Variants in RBL2 observed in about 807,000 individuals in gnomAD.
The protein encoded by RBL2 is RB transcriptional corepressor like 2.
Under a neutral mutation model 126.0 loss-of-function variants are expected in RBL2, and 56 were observed. That is an observed-to-expected ratio of 0.44 (90% CI 0.36 to 0.56). The LOEUF (loss-of-function observed/expected upper bound fraction) is 0.56, where lower values mean the gene tolerates loss of function less well. RBL2 is among the 20% of genes least tolerant of loss of function. The pLI, the probability that RBL2 is intolerant of heterozygous loss-of-function variation, is 0.00. For missense variants in RBL2, 1,229 were observed against 1,398.2 expected, an observed-to-expected ratio of 0.88 and a Z score of 1.93; for synonymous variants, 454 against 478.5, an observed-to-expected ratio of 0.95 and a Z score of 0.67.
At chr16:53,444,802 C>T (rs1362701021) in intron 3 of RBL2, among the ~76,000 whole-genome samples, 3 of 152,148 alleles carry the variant, frequency 2.0e-5, no homozygotes, top group South Asian at 2.1e-4. Flanking sequence ...GAGCTGCGAT[C>T]GCGCCACTGC....
At chr16:53,461,055 T>C (rs1162743331) in intron 9 of RBL2, among the ~76,000 whole-genome samples, 1 of 152,210 alleles carries the variant, frequency 6.6e-6, no homozygotes, top group Non-Finnish European at 1.5e-5. Flanking sequence ...CCAGGTGTTC[T>C]TAATGGGAGT....
chr16:53,473,542 C>G (rs1261675450), intron 17 of RBL2, among the ~76,000 whole-genome samples: 1 of 150,902 alleles, frequency 6.6e-6, no homozygotes, highest in Non-Finnish European at 1.5e-5. Flanking sequence ...GTTATTAGTT[C>G]TAATAGTTTT....
Position 53,434,664 on chromosome 16 carries a change from G to A in RBL2, c.108G>A (p.Pro36=). ...EDDGEAEDAA[P]PAESPTPQIQ... Reference sequence around the variant, plus strand: ...ACGGCGAGGCGGAAGACGCCGCGCCGCCTGCCGAGTCGCCCACCCCTCAGA... The same window carrying A: ...ACGGCGAGGCGGAAGACGCCGCGCCACCTGCCGAGTCGCCCACCCCTCAGA... Residue 36 remains proline (P), a synonymous_variant, in exon 1 of 22, where the codon CCG becomes CCA. Coordinates refer to ENST00000262133, the MANE Select transcript of RBL2 (RefSeq NM_005611.4). The A allele has an allele frequency of 6.4e-7, 1 of 1,559,126 alleles. No individual in the cohort carries two copies. The highest frequency in any genetic ancestry group is 8.6e-7 in the Non-Finnish European group (1 of 1,162,828).
At chr16:53,461,987 G>A in intron 10 of RBL2, 137 bp downstream of exon 10, 1 of 672,380 alleles carries the variant, frequency 1.5e-6, no homozygotes, top group South Asian at 2.1e-5. Flanking sequence ...CAATTTTTCT[G>A]GTCAACCAAC....
At chr16:53,437,963 C>G (rs1267098132) in intron 1 of RBL2, among the ~76,000 whole-genome samples, 1 of 151,740 alleles carries the variant, frequency 6.6e-6, no homozygotes, top group East Asian at 1.9e-4. Context: ...GGAGGCAGAG[C>G]TTGGAGTGAG....
intron 8 of RBL2, among the ~76,000 whole-genome samples, chr16:53,459,042 A>G (rs1243252794): frequency 2.0e-5 from 3 of 152,208 alleles, no homozygotes; most frequent in Non-Finnish European, 4.4e-5. Context: ...CAAAAATAGC[A>G]GTAGATGGGA....
chr16:53,473,294 C>G (rs1236205984), intron 17 of RBL2, among the ~76,000 whole-genome samples: 1 of 151,902 alleles, frequency 6.6e-6, no homozygotes, highest in Non-Finnish European at 1.5e-5. Flanking sequence ...GCCATCTTAA[C>G]AATTTTATAT....
At chr16:53,435,502 C>T in intron 1 of RBL2, 2 of 1,080,498 alleles carry the variant, frequency 1.9e-6, no homozygotes, top group Non-Finnish European at 2.4e-6. Flanking sequence ...TGTGTTAGGT[C>T]GCAGCCTTCG....
rs1961438694 is a variant in RBL2, at chr16:53,491,331, T to C, written c.*1031T>C. On this transcript the variant is annotated 3_prime_UTR_variant, in exon 22 of 22. Transcript: ENST00000262133. ...TTGGTTGGAGAATTTAGGTTTTTAT[T>C]AGTACCATAGTACCATTTATACAAA... 1 of 152,218 alleles carries C rather than the reference T, an allele frequency of 6.6e-6. No homozygotes were observed. Among genetic ancestry groups the C allele is most frequent in the African/African-American group, 2.4e-5 (1 of 41,470 alleles). The allele number at this position is 152,218 out of a possible 1,614,324, so 9.4% of individuals were successfully genotyped here. A position where few individuals can be genotyped will look rare whatever the true frequency, so the allele number is the denominator to read the frequency against.
chr16:53,458,910 T>C (rs2150801608), intron 8 of RBL2, among the ~76,000 whole-genome samples: 1 of 152,338 alleles, frequency 6.6e-6, no homozygotes, highest in South Asian at 2.1e-4. Context: ...TTCTGGGAAA[T>C]ACAATTCAAG....
chr16:53,456,053 G>T (rs2058164105), intron 8 of RBL2, among the ~76,000 whole-genome samples: 1 of 152,106 alleles, frequency 6.6e-6, no homozygotes, highest in Non-Finnish European at 1.5e-5. Context: ...GTGTCCACCT[G>T]TGGGCCCAGC....
chr16:53,456,073 G>C (rs2058164478), intron 8 of RBL2, among the ~76,000 whole-genome samples: 1 of 152,136 alleles, frequency 6.6e-6, no homozygotes, highest in Non-Finnish European at 1.5e-5. Context: ...CTACTTGCGA[G>C]GCTGAGTTAG....
Position 53,465,559 on chromosome 16 carries a change from A to T in RBL2, c.1820A>T (p.Glu607Val). ...TGGAAACCAGAGTCTCCACTCTGGG[A>T]AAAAATTAGAGACAATGAAAACAGA... ...LAWKPESPLW[E>V]KIRDNENRVP... Residue 607 changes from glutamate to valine, a missense_variant, in exon 13 of 22, where the codon GAA becomes GTA. Transcript: ENST00000262133. 3 of 1,598,936 alleles carry T rather than the reference A, an allele frequency of 1.9e-6. No homozygotes were observed. Among genetic ancestry groups the T allele is most frequent in the Non-Finnish European group, 2.6e-6 (3 of 1,175,018 alleles).
At chr16:53,453,019 C>A (rs1047773157) in intron 5 of RBL2, among the ~76,000 whole-genome samples, 1 of 151,878 alleles carries the variant, frequency 6.6e-6, no homozygotes, top group African/African-American at 2.4e-5. Flanking sequence ...GAGTCTAGGG[C>A]AAGAATAAAT....
intron 14 of RBL2, among the ~76,000 whole-genome samples, chr16:53,467,559 TGTA>T (rs2058284069): frequency 6.6e-6 from 1 of 152,190 alleles, no homozygotes; most frequent in Non-Finnish European, 1.5e-5. Flanking sequence ...AGCTAATTTT[TGTA>T]TTTTTAGTAG....
intron 21 of RBL2, among the ~76,000 whole-genome samples, chr16:53,486,125 G>GAAAAA (rs59433365): frequency 1.1e-5 from 1 of 92,192 alleles, no homozygotes; most frequent in African/African-American, 4.4e-5. Context: ...CCTTGTCTCT[G>GAAAAA]AAAAAAAAAA....
At chr16:53,446,598 A>G (rs1026317802) in intron 3 of RBL2, among the ~76,000 whole-genome samples, 28 of 152,324 alleles carry the variant, frequency 1.8e-4, no homozygotes, top group African/African-American at 5.5e-4. Flanking sequence ...AATTTACATT[A>G]AAAAGGCCTT....
At chr16:53,453,684 G>A (rs779528241) in intron 6 of RBL2, 21 bp from the exon 7 acceptor site, 59 of 1,605,828 alleles carry the variant, frequency 3.7e-5, no homozygotes, top group Non-Finnish European at 4.8e-5. Context: ...GACGACTTAA[G>A]GATCTCTTCT....
At position 53,442,776 on chromosome 16, in the gene RBL2, A is replaced by G. The variant is rs745754382; in HGVS notation, c.490A>G (p.Lys164Glu). The G allele has an allele frequency of 2.5e-6, 4 of 1,613,476 alleles. No individual in the cohort carries two copies. The highest frequency in any genetic ancestry group is 3.4e-6 in the Non-Finnish European group (4 of 1,179,420). The change falls in exon 3 of 22, where the codon AAG (lysine) becomes GAG (glutamate). Residue 164 changes from lysine to glutamate, a missense_variant. Transcript: ENST00000262133. ...RNFTVSAVIFKKYEPIFQDIF... is the reference protein window; with the variant it reads ...RNFTVSAVIFEKYEPIFQDIF... Reference sequence around the variant, plus strand: ...CTTCACTGTTTCTGCTGTAATTTTTAAGAAATATGAACCCATTTTTCAGGA... The same window carrying G: ...CTTCACTGTTTCTGCTGTAATTTTTGAGAAATATGAACCCATTTTTCAGGA...
Sources: allele counts gnomAD v4.1 joint callset (sites outside exome capture counted in the v4.1 genomes callset), GRCh38; gene constraint gnomAD v4.1.1; transcripts MANE v1.5; gene names NCBI Gene and HGNC (gene_info 2026-07-23, HGNC 2026-07-21).